The following RORA variants were observed in gnomAD, a reference collection of about 807,000 sequenced individuals.
The protein encoded by RORA is nuclear receptor ROR-alpha.
In RORA, 7 loss-of-function variants were observed where a neutral mutation model predicts 69.5. The ratio of observed to expected loss-of-function variants is 0.10; its 90% confidence interval spans 0.06 to 0.19. The LOEUF (loss-of-function observed/expected upper bound fraction) is 0.19. RORA is among the 10% of genes least tolerant of loss of function. RORA has a pLI of 1.00. For missense variants in RORA, 457 were observed against 663.0 expected (o/e 0.69, Z 3.41); for synonymous variants, 261 against 240.8 (o/e 1.08, Z -0.78).
chr15:60,923,766 C>T (rs1236302780), intron 1 of RORA, among the ~76,000 whole-genome samples: 6 of 152,186 alleles, frequency 3.9e-5, no homozygotes, highest in Non-Finnish European at 8.8e-5. Flanking sequence ...TATGTTCCCA[C>T]TACAGATCAC....
intron 1 of RORA, among the ~76,000 whole-genome samples, chr15:61,099,812 A>G (rs1444190424): frequency 6.6e-6 from 1 of 152,214 alleles, no homozygotes; most frequent in African/African-American, 2.4e-5. Flanking sequence ...ATACTCATCA[A>G]GTCAGGAAAC....
rs147246558 is a variant in RORA at position 61,183,311 on chromosome 15, G to C, written c.166+45742C>G. ...GCACTTTGGGAGGGCAAAGTGGGCA[G>C]ATCACCTGAGGTCAGGCGTTCCAGG... On this transcript the variant is annotated intron_variant, in intron 1 of 10. Coordinates refer to ENST00000335670, the MANE Select transcript of RORA (RefSeq NM_134261.3). Among the ~76,000 whole-genome samples the C allele has an allele frequency of 3.5e-3, 536 of 152,352 alleles. 3 individuals carry two copies. The highest frequency in any genetic ancestry group is 0.012 in the African/African-American group (499 of 41,582).
At chr15:61,196,473 G>C (rs937573390) in intron 1 of RORA, among the ~76,000 whole-genome samples, 3 of 152,202 alleles carry the variant, frequency 2.0e-5, no homozygotes, top group African/African-American at 7.2e-5. Flanking sequence ...AAGATCTAAT[G>C]ATCTTCTCAG....
At chr15:60,520,157 TG>T in intron 3 of RORA, 1 of 152,058 alleles carries the variant, frequency 6.6e-6, no homozygotes, top group Non-Finnish European at 1.5e-5. Context: ...GTTCTGGGAG[TG>T]GCATAGCTAA....
At chr15:60,757,692 G>A (rs116364876) in intron 1 of RORA, among the ~76,000 whole-genome samples, 257 of 152,262 alleles carry the variant, frequency 1.7e-3, no homozygotes, top group African/African-American at 5.9e-3. Context: ...AATAGTGCCT[G>A]GCACATAGAA....
At chr15:60,584,961 TTTC>T (rs2068290026) in intron 2 of RORA, among the ~76,000 whole-genome samples, 1 of 152,206 alleles carries the variant, frequency 6.6e-6, no homozygotes, top group Non-Finnish European at 1.5e-5. Context: ...TTTTATTTTT[TTTC>T]TTCTTTTTCA....
intron 1 of RORA, among the ~76,000 whole-genome samples, chr15:61,031,277 T>C (rs552163974): frequency 9.2e-5 from 14 of 152,354 alleles, no homozygotes; most frequent in Admixed American, 2.6e-4. Context: ...TTTATTTTCT[T>C]TTCAGATCTC....
intron 2 of RORA, among the ~76,000 whole-genome samples, chr15:60,540,471 T>C (rs893410894): frequency 2.6e-5 from 4 of 151,820 alleles, no homozygotes; most frequent in African/African-American, 4.8e-5. Flanking sequence ...ACCACTCCAC[T>C]TTGCAGCTGT....
chr15:60,923,693 T>A (rs1892116751), intron 1 of RORA, among the ~76,000 whole-genome samples: 1 of 152,240 alleles, frequency 6.6e-6, no homozygotes, highest in Non-Finnish European at 1.5e-5. Flanking sequence ...ACTGAGGCCT[T>A]TCCGAACGCT....
chr15:61,194,661 T>C (rs1394020055), intron 1 of RORA, among the ~76,000 whole-genome samples: 1 of 152,208 alleles, frequency 6.6e-6, no homozygotes, highest in Non-Finnish European at 1.5e-5. Flanking sequence ...CGGTTCATAT[T>C]TTTGAATGCA....
intron 1 of RORA, among the ~76,000 whole-genome samples, chr15:61,206,067 A>G (rs890520176): frequency 6.6e-6 from 1 of 152,232 alleles, no homozygotes; most frequent in Admixed American, 6.5e-5. Flanking sequence ...CAGAACCTAG[A>G]GCAGATTAAG....
At chr15:60,737,437 G>T (rs748035695) in intron 1 of RORA, among the ~76,000 whole-genome samples, 1 of 152,174 alleles carries the variant, frequency 6.6e-6, no homozygotes, top group Non-Finnish European at 1.5e-5. Flanking sequence ...TTCTCAGGGT[G>T]TGGCCTCTGG....
intron 1 of RORA, among the ~76,000 whole-genome samples, chr15:60,751,826 G>T (rs1244501878): frequency 6.6e-6 from 1 of 152,098 alleles, no homozygotes; most frequent in Non-Finnish European, 1.5e-5. Flanking sequence ...ACAAAAACAG[G>T]CCTCTAAGCT....
chr15:60,712,476 G>A (rs2071158057), intron 1 of RORA, among the ~76,000 whole-genome samples: 1 of 152,158 alleles, frequency 6.6e-6, no homozygotes, highest in African/African-American at 2.4e-5. Context: ...TCATGTGTCA[G>A]TTGCCATTTA....
At chr15:61,088,880 A>G (rs2078663498) in intron 1 of RORA, among the ~76,000 whole-genome samples, 1 of 152,204 alleles carries the variant, frequency 6.6e-6, no homozygotes, top group South Asian at 2.1e-4. Context: ...AAACCTCTAA[A>G]ATCTCCCAAT....
chr15:60,748,806 C>G (rs2071683714), intron 1 of RORA, among the ~76,000 whole-genome samples: 1 of 152,126 alleles, frequency 6.6e-6, no homozygotes, highest in Admixed American at 6.6e-5. Context: ...CAACACCTCC[C>G]TGTTTAAGGG....
intron 1 of RORA, among the ~76,000 whole-genome samples, chr15:60,890,003 T>C (rs1488906851): frequency 6.6e-6 from 1 of 152,188 alleles, no homozygotes; most frequent in East Asian, 1.9e-4. Flanking sequence ...AAATGTATCA[T>C]ACATGTATTC....
intron 1 of RORA, among the ~76,000 whole-genome samples, chr15:61,133,536 T>C (rs1408304543): frequency 6.6e-6 from 1 of 152,130 alleles, no homozygotes; most frequent in Admixed American, 6.5e-5. Context: ...GATCAGAGAA[T>C]GAGGTCCGCT....
At chr15:60,912,919 A>G (rs1168342470) in intron 1 of RORA, among the ~76,000 whole-genome samples, 1 of 152,226 alleles carries the variant, frequency 6.6e-6, no homozygotes, top group Non-Finnish European at 1.5e-5. Context: ...AAATCCACAC[A>G]TTATAAGCAT....
Sources: allele counts gnomAD v4.1 joint callset (sites outside exome capture counted in the v4.1 genomes callset), GRCh38; gene constraint gnomAD v4.1.1; transcripts MANE v1.5; gene names NCBI Gene and HGNC (gene_info 2026-07-23, HGNC 2026-07-21).